The following GLG1 variants were observed in gnomAD, a reference collection of about 807,000 sequenced individuals.
GLG1 encodes golgi glycoprotein 1, also known as Golgi apparatus protein 1.
A neutral mutation model predicts 160.5 loss-of-function variants in GLG1; 38 were observed. That is an observed-to-expected ratio of 0.24 (90% confidence interval 0.18 to 0.31). The LOEUF (loss-of-function observed/expected upper bound fraction) is 0.31. GLG1 is among the 10% of genes least tolerant of loss of function. The pLI is 1.00. For missense variants in GLG1, 1,373 were observed against 1,505.2 expected (o/e 0.91, Z 1.45); for synonymous variants, 644 against 543.4 (o/e 1.19, Z -2.57).
chr16:74,480,492 T>C, intron 10 of GLG1, 98 bp from the exon 11 acceptor site: 1 of 741,572 alleles, frequency 1.3e-6, no homozygotes, highest in South Asian at 1.9e-5. Context: ...GTATACTCAT[T>C]GATAATCACT....
chr16:74,543,724 C>G (rs1419496164), intron 1 of GLG1, among the ~76,000 whole-genome samples: 1 of 152,090 alleles, frequency 6.6e-6, no homozygotes, highest in African/African-American at 2.4e-5. Context: ...CCCATAATCT[C>G]CAAATCACAT....
rs547591703 is a variant in GLG1 at position 74,481,726 on chromosome 16, C to T, written c.1673+1297G>A. Among the ~76,000 whole-genome samples the T allele has an allele frequency of 2.1e-4, 32 of 152,268 alleles. No individual in the cohort carries two copies. The South Asian group carries it at 2.3e-3, about 11-fold the overall frequency. On this transcript the variant is annotated intron_variant, in intron 10 of 25. Transcript: ENST00000422840. ...CACGTCTTTTGAGATAGGGTCTCAC[C>T]GTTAACATGCAGTGGCATGATCACA...
rs566033018 is a variant in GLG1, at chr16:74,577,762, A to G, written c.438+28895T>C. On this transcript the variant is annotated intron_variant, in intron 1 of 25. Transcript: ENST00000422840. Reference sequence around the variant, plus strand: ...AGTAACTGGGACCACAGGCACTACCAGCCACCATGACCGGTTAATTTTATT... The same window carrying G: ...AGTAACTGGGACCACAGGCACTACCGGCCACCATGACCGGTTAATTTTATT... 2.0e-5 allele frequency among the ~76,000 whole-genome samples: 3 copies of G among 152,092 alleles called. No individual in the cohort carries two copies. In the South Asian group the frequency reaches 6.2e-4, roughly 32 times the overall value.
intron 20 of GLG1, chr16:74,463,152 G>T: frequency 1.8e-6 from 1 of 564,324 alleles, no homozygotes; most frequent in Non-Finnish European, 3.1e-6. Context: ...GCAGTTTTCT[G>T]GTTCTTGTGG....
chr16:74,552,425 A>G (rs2550857), intron 1 of GLG1: 312 of 553,616 alleles, frequency 5.6e-4, no homozygotes, highest in African/African-American at 5.2e-3. Context: ...TTAAGGCTAC[A>G]TGAAGGAACG....
chr16:74,451,951 A>G lies in GLG1; in HGVS notation c.*1216T>C, dbSNP rs1478926011. On this transcript the variant is annotated 3_prime_UTR_variant, in exon 26 of 26. Transcript: ENST00000422840. ...CAGCAAATGGACAGAAAGAAAAAAA[A>G]CAGAGCAAATCCTCCATCTTTTAAT... 7 of 864,150 alleles carry G rather than the reference A, an allele frequency of 8.1e-6. No individual in the cohort carries two copies. Among genetic ancestry groups the G allele is most frequent in the Non-Finnish European group, 1.4e-5 (7 of 516,280 alleles). The allele number at this position is 864,150 out of a possible 1,614,324, so 53.5% of individuals were successfully genotyped here.
intron 1 of GLG1, among the ~76,000 whole-genome samples, chr16:74,555,802 A>T (rs2018334609): frequency 6.6e-6 from 1 of 152,084 alleles, no homozygotes; most frequent in Non-Finnish European, 1.5e-5. Context: ...AGTCACACAA[A>T]GACAATTATA....
chr16:74,467,210 G>A lies in GLG1; in HGVS notation c.2529+546C>T, dbSNP rs114947990. ...AGGACAATGAAGTAATTATCTCAAA[G>A]GCTGAAGCCCCATGGCAATGCCCTT... On this transcript the variant is annotated intron_variant, in intron 18 of 25. Coordinates refer to ENST00000422840, the MANE Select transcript of GLG1 (RefSeq NM_001145667.2). Among the ~76,000 whole-genome samples, 943 of 152,348 alleles carry A rather than the reference G, an allele frequency of 6.2e-3. 13 individuals are homozygous for A. Among genetic ancestry groups the A allele is most frequent in the African/African-American group, 0.022 (914 of 41,566 alleles).
intron 12 of GLG1, among the ~76,000 whole-genome samples, chr16:74,476,731 G>A (rs531185145): frequency 6.6e-6 from 1 of 152,226 alleles, no homozygotes; most frequent in South Asian, 2.1e-4. Context: ...AATTTTTGGG[G>A]GCTGCTCCTT....
intron 2 of GLG1, among the ~76,000 whole-genome samples, chr16:74,529,089 CTT>C (rs1003842364): frequency 1.3e-5 from 2 of 151,582 alleles, no homozygotes; most frequent in African/African-American, 4.9e-5. Flanking sequence ...GCCTCAGTCT[CTT>C]GAGTAGCTGG....
At chr16:74,603,324 T>G (rs1040055072) in intron 1 of GLG1, among the ~76,000 whole-genome samples, 1 of 147,814 alleles carries the variant, frequency 6.8e-6, no homozygotes, top group Non-Finnish European at 1.5e-5. Context: ...GCAGAAGAAC[T>G]GCTTGAACCA....
At chr16:74,582,573 C>A (rs889115025) in intron 1 of GLG1, among the ~76,000 whole-genome samples, 1 of 152,066 alleles carries the variant, frequency 6.6e-6, no homozygotes, top group Admixed American at 6.6e-5. Flanking sequence ...GTAATCCCAG[C>A]ACTTTGGGAG....
chr16:74,535,141 C>T (rs1307964898), intron 1 of GLG1, among the ~76,000 whole-genome samples: 2 of 151,980 alleles, frequency 1.3e-5, no homozygotes, highest in South Asian at 2.1e-4. Flanking sequence ...AAACAAGCCT[C>T]GAGTTAAGCC....
chr16:74,463,232 C>G, intron 20 of GLG1, 124 bp downstream of exon 20: 2 of 915,988 alleles, frequency 2.2e-6, no homozygotes, highest in Non-Finnish European at 3.4e-6. Flanking sequence ...CCTGCTTACA[C>G]TCAGACTCCT....
rs767297685 is a variant in GLG1, at chr16:74,459,798, G to A, written c.3037-9C>T. 5 of 1,482,008 alleles carry A rather than the reference G, an allele frequency of 3.4e-6. No homozygotes were observed. Among genetic ancestry groups the A allele is most frequent in the Admixed American group, 4.1e-5 (2 of 48,898 alleles). 91.8% of individuals were successfully genotyped at this position (1,482,008 alleles called of 1,614,324 possible). ...GCACATAGACTGGAGATCTGTTCAG[G>A]AGACACAAAAAACAAAGCTACCCCA... On this transcript the variant is annotated splice_polypyrimidine_tract_variant and intron_variant, in intron 22 of 25. Coordinates refer to ENST00000422840, the MANE Select transcript of GLG1 (RefSeq NM_001145667.2).
At chr16:74,492,571 C>G (rs1216644348) in intron 7 of GLG1, among the ~76,000 whole-genome samples, 1 of 151,016 alleles carries the variant, frequency 6.6e-6, no homozygotes, top group Admixed American at 6.6e-5. Context: ...ATAATCCAAG[C>G]ACTTTGAGAG....
intron 1 of GLG1, among the ~76,000 whole-genome samples, chr16:74,577,756 A>T (rs917199509): frequency 6.6e-6 from 1 of 151,992 alleles, no homozygotes; most frequent in African/African-American, 2.4e-5. Context: ...GACCACAGGC[A>T]CTACCAGCCA....
chr16:74,489,871 T>C lies in GLG1; in HGVS notation c.1449+1130A>G, dbSNP rs1597258186. On this transcript the variant is annotated intron_variant, in intron 8 of 25. Coordinates refer to ENST00000422840, the MANE Select transcript of GLG1 (RefSeq NM_001145667.2). Reference sequence around the variant, plus strand: ...GACATAATTTTACTCCACATCCAAATTCTGTAAAACTGTTGTGTTTCAGAC... The same window carrying C: ...GACATAATTTTACTCCACATCCAAACTCTGTAAAACTGTTGTGTTTCAGAC... 2.0e-5 allele frequency among the ~76,000 whole-genome samples: 3 copies of C among 152,336 alleles called. No individual in the cohort carries two copies. The East Asian group carries it at 5.8e-4, about 29-fold the overall frequency.
intron 2 of GLG1, among the ~76,000 whole-genome samples, chr16:74,531,211 G>T (rs538540070): frequency 6.6e-6 from 1 of 152,162 alleles, no homozygotes; most frequent in African/African-American, 2.4e-5. Flanking sequence ...TAGCCAATCT[G>T]TCTCTGCTTA....
Sources: allele counts gnomAD v4.1 joint callset (sites outside exome capture counted in the v4.1 genomes callset), GRCh38; gene constraint gnomAD v4.1.1; transcripts MANE v1.5; gene names NCBI Gene and HGNC (gene_info 2026-07-23, HGNC 2026-07-21).